HOOK3: variants seen among roughly 807,000 people sequenced by gnomAD.
The protein encoded by HOOK3 is hook microtubule tethering protein 3.
In HOOK3, 24 loss-of-function variants were observed where a neutral mutation model predicts 116.3. The observed-to-expected ratio is 0.21, with a 90% CI of 0.15 to 0.29. HOOK3 has a LOEUF of 0.29. Among genes scored for constraint, HOOK3 ranks in the 10% least tolerant of loss-of-function variants. The pLI is 1.00. For synonymous variants in HOOK3, 275 were observed against 283.0 expected, an observed-to-expected ratio of 0.97 and a Z score of 0.28; for missense variants, 632 against 830.2, an observed-to-expected ratio of 0.76 and a Z score of 2.93.
chr8:42,928,194 A>T (rs1183583574), intron 3 of HOOK3, among the ~76,000 whole-genome samples: 1 of 151,864 alleles, frequency 6.6e-6, no homozygotes, highest in Non-Finnish European at 1.5e-5. Flanking sequence ...CAAGAGAATC[A>T]CTTGAACCTG....
chr8:42,932,949 C>T (rs1807900142), intron 4 of HOOK3, among the ~76,000 whole-genome samples: 1 of 152,114 alleles, frequency 6.6e-6, no homozygotes, highest in Admixed American at 6.6e-5. Context: ...TTTCTTTGTG[C>T]ATTTAGTAAT....
intron 17 of HOOK3, 152 bp downstream of exon 17, chr8:43,002,293 C>G (rs770555686): frequency 3.7e-6 from 2 of 543,582 alleles, no homozygotes; most frequent in South Asian, 2.6e-5. Flanking sequence ...AGGGTCACTT[C>G]TCCCCAAGGT....
intron 21 of HOOK3, among the ~76,000 whole-genome samples, chr8:43,014,578 C>T (rs776760895): frequency 3.3e-5 from 5 of 151,924 alleles, no homozygotes; most frequent in South Asian, 2.1e-4. Flanking sequence ...TCTCGAACTC[C>T]TGACCTTGTG....
At chr8:42,939,864 C>T (rs1188951753) in intron 4 of HOOK3, among the ~76,000 whole-genome samples, 4 of 148,770 alleles carry the variant, frequency 2.7e-5, no homozygotes, top group African/African-American at 1.0e-4. Flanking sequence ...GGCAGAGGCG[C>T]TCCCCACATC....
intron 1 of HOOK3, among the ~76,000 whole-genome samples, chr8:42,898,366 G>A (rs1807099497): frequency 6.6e-6 from 1 of 152,186 alleles, no homozygotes; most frequent in Non-Finnish European, 1.5e-5. Flanking sequence ...TATGTAGTTA[G>A]CGTGCAGCTT....
At chr8:42,966,919 A>G (rs1273617014) in intron 10 of HOOK3, among the ~76,000 whole-genome samples, 1 of 152,130 alleles carries the variant, frequency 6.6e-6, no homozygotes, top group Non-Finnish European at 1.5e-5. Flanking sequence ...TTACTTGTAC[A>G]GCTCTGGAGC....
intron 19 of HOOK3, among the ~76,000 whole-genome samples, chr8:43,011,281 C>T (rs1249012821): frequency 6.6e-6 from 1 of 152,138 alleles, no homozygotes; most frequent in Non-Finnish European, 1.5e-5. Flanking sequence ...GTGTGAGCCA[C>T]CGTGCCTGGC....
intron 2 of HOOK3, among the ~76,000 whole-genome samples, chr8:42,922,504 C>A (rs1807676322): frequency 1.3e-5 from 2 of 152,098 alleles, no homozygotes; most frequent in African/African-American, 4.8e-5. Flanking sequence ...TTATAGTGAA[C>A]TGTGATCATG....
In HOOK3 at chr8:42,897,139, G is replaced by A. The variant is rs1807003399; in HGVS notation, c.8G>A (p.Ser3Asn). The A allele has an allele frequency of 2.4e-6, 3 of 1,246,914 alleles. No individual in the cohort carries two copies. Among genetic ancestry groups the A allele is most frequent in the African/African-American group, 1.6e-5 (1 of 64,444 alleles). The allele number at this position is 1,246,914 out of a possible 1,614,324, so 77.2% of individuals were successfully genotyped here. Residue 3 changes from serine (S) to asparagine (N), a missense_variant, in exon 1 of 22, where the codon AGC becomes AAC. By Grantham distance (46) the Ser-to-Asn change is conservative. This residue lies in a region of HOOK3 where 141 missense variants were observed against 150.8 expected (regional missense o/e 0.93). Transcript: ENST00000307602. MFSVESLERAELC... is the reference protein window; with the variant it reads MFNVESLERAELC... Reference sequence around the variant, plus strand: ...CTGGCCGCGGCGGGGAAGATGTTCAGCGTAGAGTCGCTGGAGCGGGCGGAG... The same window carrying A: ...CTGGCCGCGGCGGGGAAGATGTTCAACGTAGAGTCGCTGGAGCGGGCGGAG...
chr8:42,956,615 C>T (rs1206917958), intron 6 of HOOK3, among the ~76,000 whole-genome samples: 5 of 152,000 alleles, frequency 3.3e-5, no homozygotes, highest in East Asian at 3.9e-4. Flanking sequence ...AGAGGAATCT[C>T]GCCCTGTCGC....
chr8:42,908,722 A>C (rs773268533), intron 2 of HOOK3, among the ~76,000 whole-genome samples: 1 of 152,222 alleles, frequency 6.6e-6, no homozygotes, highest in Non-Finnish European at 1.5e-5. Context: ...GTAAGGAAAC[A>C]TAGGGGGAGA....
chr8:42,904,057 A>G (rs1004300089), intron 1 of HOOK3, among the ~76,000 whole-genome samples: 2 of 152,208 alleles, frequency 1.3e-5, no homozygotes, highest in Non-Finnish European at 2.9e-5. Context: ...GTATATATTT[A>G]GGGCAGTTTG....
At chr8:42,969,931 G>A (rs1238084229) in intron 11 of HOOK3, among the ~76,000 whole-genome samples, 5 of 151,680 alleles carry the variant, frequency 3.3e-5, no homozygotes, top group African/African-American at 9.7e-5. Flanking sequence ...ACTTTTTTGA[G>A]GTTGATAATT....
intron 2 of HOOK3, among the ~76,000 whole-genome samples, chr8:42,910,480 C>G (rs928166596): frequency 6.6e-6 from 1 of 152,134 alleles, no homozygotes; most frequent in African/African-American, 2.4e-5. Flanking sequence ...CAGAACTTTC[C>G]AGCTCCTCGC....
intron 2 of HOOK3, among the ~76,000 whole-genome samples, chr8:42,914,089 A>G (rs1378131881): frequency 1.3e-5 from 2 of 152,098 alleles, no homozygotes; most frequent in Admixed American, 6.6e-5. Context: ...TGTTTCTCCC[A>G]CAGGCTTCAT....
chr8:43,028,467 A>G lies in HOOK3; in HGVS notation c.*9969A>G. The G allele has an allele frequency of 5.3e-6, 1 of 187,738 alleles. No individual in the cohort carries two copies. The highest frequency in any genetic ancestry group is 8.6e-5 in the East Asian group (1 of 11,578). 11.6% of individuals were successfully genotyped at this position (187,738 alleles called of 1,614,324 possible). The stretch of plus-strand genomic sequence containing the variant: ...TAGATTTAATGATATCCTTCCTTTT[A>G]AATTTATATAGATCTAATGAACATT... On this transcript the variant is annotated 3_prime_UTR_variant, in exon 22 of 22. Transcript: ENST00000307602.
intron 3 of HOOK3, among the ~76,000 whole-genome samples, 155 bp from the exon 4 acceptor site, chr8:42,929,967 T>A (rs987932265): frequency 3.9e-5 from 6 of 152,170 alleles, no homozygotes; most frequent in Non-Finnish European, 7.4e-5. Context: ...TACTTTTTGA[T>A]GATGATGATA....
intron 5 of HOOK3, among the ~76,000 whole-genome samples, chr8:42,949,755 T>C (rs1441974316): frequency 6.6e-6 from 1 of 151,890 alleles, no homozygotes; most frequent in Non-Finnish European, 1.5e-5. Flanking sequence ...CGGTCTCTAC[T>C]AAAATACAAA....
rs1449147637 is a variant in HOOK3 at position 42,968,185 on chromosome 8, C to T, written c.1093C>T (p.Arg365Ter). ...AGAGTTAAGAAAGGCCAACGCAGCG[C>T]GAAGTCAACTTGAAACCTACAAGAG... ...EEELRKANAA[R>*]SQLETYKRQV... Residue 365 changes from arginine (R) to a stop codon, truncating the protein, a stop_gained, in exon 11 of 22, where the codon CGA becomes TGA. Transcript: ENST00000307602. LOFTEE classifies it high-confidence loss of function. The T allele has an allele frequency of 3.1e-6, 5 of 1,613,614 alleles. No individual in the cohort carries two copies. The highest frequency in any genetic ancestry group is 1.7e-5 in the Admixed American group (1 of 59,952).
Sources: gnomAD v4.1 joint callset for allele counts (sites outside exome capture counted in the v4.1 genomes callset) on GRCh38, gnomAD v4.1.1 for gene constraint, gnomAD v4.1.1 regional missense constraint, MANE v1.5 for transcripts, NCBI Gene and HGNC (gene_info 2026-07-23, HGNC 2026-07-21) for gene names.